The following SLC47A1 variants were observed in gnomAD, a reference collection of about 807,000 sequenced individuals.
SLC47A1 encodes the protein multidrug and toxin extrusion protein 1.
In SLC47A1, 58 loss-of-function variants were observed where a neutral mutation model predicts 65.8. The observed-to-expected ratio is 0.88, with a 90% CI of 0.71 to 1.10. The LOEUF (loss-of-function observed/expected upper bound fraction) is 1.10. SLC47A1 is among the 50% of genes least tolerant of loss of function. The probability of loss-of-function intolerance (pLI) is 0.00; values close to 1 mark genes in which losing one functional copy is unlikely to be tolerated. For synonymous variants in SLC47A1, 285 were observed against 295.0 expected (o/e 0.97, Z 0.35); for missense variants, 706 against 719.2 (o/e 0.98, Z 0.21).
chr17:19,564,816 T>C (rs1297904610), intron 12 of SLC47A1, among the ~76,000 whole-genome samples: 8 of 151,888 alleles, frequency 5.3e-5, no homozygotes, highest in African/African-American at 1.9e-4. Flanking sequence ...CGCCTCCTGG[T>C]TTCAAGTGAT....
chr17:19,572,481 T>G (rs551166475), intron 15 of SLC47A1, among the ~76,000 whole-genome samples: 8 of 152,000 alleles, frequency 5.3e-5, no homozygotes, highest in African/African-American at 1.7e-4. Context: ...GTTGTTGTTA[T>G]TTTTTTGTTT....
At position 19,556,055 on chromosome 17, in the gene SLC47A1, T is replaced by C. The variant is rs1330884334; in HGVS notation, c.914T>C (p.Val305Ala). 3 of 1,613,884 alleles carry C rather than the reference T, an allele frequency of 1.9e-6. No homozygotes were observed. The highest frequency in any genetic ancestry group is 1.7e-6 in the Non-Finnish European group (2 of 1,180,042). Residue 305 changes from valine to alanine, a missense_variant, in exon 10 of 17, where the codon GTG (valine) becomes GCG (alanine). Val to Ala is a moderately conservative substitution (Grantham distance 64). Coordinates refer to ENST00000270570, the MANE Select transcript of SLC47A1 (RefSeq NM_018242.3). ...ATCGTGTATGAACTGGCCATCATTGTGTACATGGTAAGCAGGGGAGCCGAT... is the reference window on the plus strand; with the variant it reads ...ATCGTGTATGAACTGGCCATCATTGCGTACATGGTAAGCAGGGGAGCCGAT... ...QSIVYELAII[V>A]YMVPAGFSVA...
Position 19,533,897 on chromosome 17 carries a change from C to A in SLC47A1, c.-43C>A. 2 of 1,451,508 alleles carry A rather than the reference C, an allele frequency of 1.4e-6. No homozygotes were observed. Among genetic ancestry groups the A allele is most frequent in the South Asian group, 1.4e-5 (1 of 72,700 alleles). The allele number at this position is 1,451,508 out of a possible 1,614,324, so 89.9% of individuals were successfully genotyped here. A position where few individuals can be genotyped will look rare whatever the true frequency, so the allele number is the denominator to read the frequency against. ...ACTCACTGCCGGCCTCCGCGGTACC[C>A]ACTGCCGGCCTCCGCGCTACCCGGC... On this transcript the variant is annotated 5_prime_UTR_variant, in exon 1 of 17. Transcript: ENST00000270570.
At chr17:19,562,369 C>G (rs908253633) in intron 12 of SLC47A1, among the ~76,000 whole-genome samples, 1 of 152,086 alleles carries the variant, frequency 6.6e-6, no homozygotes, top group Non-Finnish European at 1.5e-5. Context: ...TCAAGACCAG[C>G]TGGTCGACAT....
At chr17:19,552,495 A>T (rs1266415814) in intron 6 of SLC47A1, among the ~76,000 whole-genome samples, 2 of 152,196 alleles carry the variant, frequency 1.3e-5, no homozygotes, top group Non-Finnish European at 2.9e-5. Context: ...TTGCTAAGGC[A>T]GCATGGATGC....
At chr17:19,551,301 G>A in intron 5 of SLC47A1, 123 bp from the exon 6 acceptor site, 2 of 854,256 alleles carry the variant, frequency 2.3e-6, no homozygotes, top group Non-Finnish European at 4.0e-6. Flanking sequence ...CAGCCTCTGT[G>A]GCTCCGTGCG....
chr17:19,536,057 C>T (rs1272337113), intron 1 of SLC47A1, among the ~76,000 whole-genome samples: 2 of 151,928 alleles, frequency 1.3e-5, no homozygotes, highest in Non-Finnish European at 2.9e-5. Context: ...GCCTCAACTT[C>T]TGGAGTAGCG....
intron 5 of SLC47A1, among the ~76,000 whole-genome samples, chr17:19,550,957 C>A (rs1916430420): frequency 6.6e-6 from 1 of 152,320 alleles, no homozygotes; most frequent in Non-Finnish European, 1.5e-5. Flanking sequence ...AATAGTCACA[C>A]TGGGGACTAG....
intron 10 of SLC47A1, chr17:19,558,032 G>GCC (rs1309963815): frequency 2.4e-5 from 5 of 208,518 alleles, no homozygotes; most frequent in African/African-American, 1.2e-4. Flanking sequence ...AAAGATGTAT[G>GCC]CCCTTTCCTC....
chr17:19,578,051 T>A lies in SLC47A1; in HGVS notation c.*498T>A. ...AGGCTGGAGTGCGGTGGTGCGATCA[T>A]AGCTCACTGCAGCCTCGAACTCTTG... is the stretch of plus-strand genomic sequence containing the variant. On this transcript the variant is annotated 3_prime_UTR_variant, in exon 17 of 17. Transcript: ENST00000270570. 9.8e-7 allele frequency: 1 copy of A among 1,022,574 alleles called. No individual in the cohort carries two copies. The highest frequency in any genetic ancestry group is 1.3e-6 in the Non-Finnish European group (1 of 746,160). The allele number at this position is 1,022,574 out of a possible 1,614,324, so 63.3% of individuals were successfully genotyped here. A position where few individuals can be genotyped will look rare whatever the true frequency, so the allele number is the denominator to read the frequency against.
At chr17:19,573,650 T>C in intron 16 of SLC47A1, among the ~76,000 whole-genome samples, 1 of 152,100 alleles carries the variant, frequency 6.6e-6, no homozygotes, top group East Asian at 1.9e-4. Flanking sequence ...CCCAAAGCAG[T>C]GGGATTACAG....
intron 12 of SLC47A1, among the ~76,000 whole-genome samples, chr17:19,566,264 T>G (rs1051329176): frequency 1.3e-5 from 2 of 152,176 alleles, no homozygotes; most frequent in Non-Finnish European, 2.9e-5. Context: ...CTGGGGGACT[T>G]GAAACATATC....
In SLC47A1 at chr17:19,534,041, G is replaced by A; in HGVS notation, c.102G>A (p.Glu34=). ...RCLRLSAFRE[E]LRALLVLAGP... ...TGCGGCTGTCCGCCTTCCGAGAAGA[G>A]CTGCGGGCGCTCTTGGTCCTGGCTG... The change falls in exon 1 of 17, where the codon GAG becomes GAA. Residue 34 remains glutamate, a synonymous_variant. Transcript: ENST00000270570. 1.3e-6 allele frequency: 2 copies of A among 1,547,462 alleles called. No individual in the cohort carries two copies. The highest frequency in any genetic ancestry group is 1.7e-6 in the Non-Finnish European group (2 of 1,147,488).
At chr17:19,572,992 T>C in intron 16 of SLC47A1, 131 bp downstream of exon 16, 1 of 744,260 alleles carries the variant, frequency 1.3e-6, no homozygotes, top group Non-Finnish European at 2.3e-6. Context: ...CAGAAACACA[T>C]GATAAAGCCA....
In SLC47A1 at chr17:19,577,824, G is replaced by A; in HGVS notation, c.*271G>A. On this transcript the variant is annotated 3_prime_UTR_variant, in exon 17 of 17. Transcript: ENST00000270570. ...AAGGATCAATGTGCTGACTGCATTG[G>A]CCAATGGCTTTGATACTTCTGCTAT... 2.3e-6 allele frequency: 3 copies of A among 1,312,694 alleles called. No homozygotes were observed. The highest frequency in any genetic ancestry group is 3.1e-5 in the South Asian group (2 of 65,102). 81.3% of individuals were successfully genotyped at this position (1,312,694 alleles called of 1,614,324 possible). A position where few individuals can be genotyped will look rare whatever the true frequency, so the allele number is the denominator to read the frequency against.
chr17:19,542,801 T>A (rs1294435085), intron 2 of SLC47A1, among the ~76,000 whole-genome samples: 1 of 151,262 alleles, frequency 6.6e-6, no homozygotes, highest in Non-Finnish European at 1.5e-5. Context: ...TGTTGTTTTT[T>A]TTTTTTTTGA....
intron 2 of SLC47A1, among the ~76,000 whole-genome samples, chr17:19,545,519 C>T (rs1916264312): frequency 6.7e-6 from 1 of 150,068 alleles, no homozygotes; most frequent in Non-Finnish European, 1.5e-5. Flanking sequence ...GAGACAGGGT[C>T]TCACTCCATT....
intron 16 of SLC47A1, among the ~76,000 whole-genome samples, chr17:19,576,935 CG>C (rs2084445094): frequency 1.3e-5 from 2 of 152,006 alleles, no homozygotes; most frequent in African/African-American, 4.8e-5. Context: ...TTAGTAGAGA[CG>C]GGGTTTCTCC....
At chr17:19,541,592 T>C (rs1024012303) in intron 1 of SLC47A1, among the ~76,000 whole-genome samples, 1 of 152,126 alleles carries the variant, frequency 6.6e-6, no homozygotes, top group Non-Finnish European at 1.5e-5. Context: ...AGCAGGCCTG[T>C]AATGTTTCAC....
Sources: gnomAD v4.1 joint callset for allele counts (sites outside exome capture counted in the v4.1 genomes callset) on GRCh38, gnomAD v4.1.1 for gene constraint, MANE v1.5 for transcripts, NCBI Gene and HGNC (gene_info 2026-07-23, HGNC 2026-07-21) for gene names.